The following PAX3 variants were observed in gnomAD, a reference collection of about 807,000 sequenced individuals.
PAX3 encodes paired box 3, also known as paired box protein Pax-3.
Under a neutral mutation model 51.6 loss-of-function variants are expected in PAX3, and 14 were observed. That is an observed-to-expected ratio of 0.27 (90% confidence interval 0.18 to 0.42). The LOEUF (loss-of-function observed/expected upper bound fraction) is 0.42, where lower values mean the gene tolerates loss of function less well. Among genes scored for constraint, PAX3 ranks in the 10% least tolerant of loss-of-function variants. The pLI is 1.00. For synonymous variants in PAX3, 280 were observed against 253.4 expected (o/e 1.11, Z -1.00); for missense variants, 540 against 642.8 (o/e 0.84, Z 1.73).
chr2:222,294,126 A>G, intron 4 of PAX3, 41 bp downstream of exon 4: 1 of 1,613,372 alleles, frequency 6.2e-7, no homozygotes, highest in East Asian at 2.2e-5. Flanking sequence ...ATGCCCTCCA[A>G]GTCACCCAGC....
chr2:222,279,785 T>C (rs1218971074), intron 4 of PAX3, among the ~76,000 whole-genome samples: 3 of 152,166 alleles, frequency 2.0e-5, no homozygotes, highest in Non-Finnish European at 2.9e-5. Flanking sequence ...ATTATAGTAA[T>C]TCAATAAAAT....
chr2:222,294,811 T>TTC (rs1695206220), intron 3 of PAX3, among the ~76,000 whole-genome samples: 4 of 130,050 alleles, frequency 3.1e-5, no homozygotes, highest in Non-Finnish European at 6.4e-5. Context: ...TTCTTCCCTT[T>TTC]TTTTTTTTTT....
intron 5 of PAX3, among the ~76,000 whole-genome samples, chr2:222,230,955 T>C (rs980500692): frequency 6.6e-6 from 1 of 152,194 alleles, no homozygotes; most frequent in African/African-American, 2.4e-5. Context: ...TTTTAAATTA[T>C]TTGTATGTTT....
intron 4 of PAX3, among the ~76,000 whole-genome samples, chr2:222,239,822 CAAA>C (rs76222306): frequency 3.9e-4 from 52 of 133,834 alleles, no homozygotes; most frequent in African/African-American, 1.3e-3. Flanking sequence ...TTAGCAAGTG[CAAA>C]AAAAAAAAAA....
At chr2:222,226,870 A>T (rs1490091165) in intron 5 of PAX3, among the ~76,000 whole-genome samples, 2 of 151,786 alleles carry the variant, frequency 1.3e-5, no homozygotes, top group Non-Finnish European at 2.9e-5. Context: ...GGAGAAAGGT[A>T]TTTGAGCACA....
At chr2:222,283,963 T>C (rs1413309964) in intron 4 of PAX3, among the ~76,000 whole-genome samples, 1 of 152,232 alleles carries the variant, frequency 6.6e-6, no homozygotes, top group Non-Finnish European at 1.5e-5. Flanking sequence ...ATTTTCTTTT[T>C]CACTCTCACA....
chr2:222,265,705 T>C, intron 4 of PAX3, among the ~76,000 whole-genome samples: 1 of 78,480 alleles, frequency 1.3e-5, no homozygotes, highest in Non-Finnish European at 2.8e-5. Context: ...AAAGATTGAT[T>C]TTGATTTTTC....
At position 222,244,772 on chromosome 2, in the gene PAX3, A is replaced by C. The variant is rs200829192; in HGVS notation, c.587-12489T>G. On this transcript the variant is annotated intron_variant, in intron 4 of 8. Transcript: ENST00000392070. ...AAAAAAAGATATTCAGCTCTTGCTCATTCCCAATTCCCTTAAAAATCCAAA... is the reference window on the plus strand; with the variant it reads ...AAAAAAAGATATTCAGCTCTTGCTCCTTCCCAATTCCCTTAAAAATCCAAA... 2.0e-5 allele frequency among the ~76,000 whole-genome samples: 3 copies of C among 151,432 alleles called. No individual in the cohort carries two copies. The East Asian group carries it at 5.8e-4, about 29-fold the overall frequency.
chr2:222,210,200 C>G (rs995777140), intron 7 of PAX3, among the ~76,000 whole-genome samples: 2 of 152,200 alleles, frequency 1.3e-5, no homozygotes, highest in African/African-American at 4.8e-5. Context: ...GAAACTAATT[C>G]TGTTCCTGCA....
intron 4 of PAX3, among the ~76,000 whole-genome samples, chr2:222,236,750 C>T (rs1454049569): frequency 3.9e-5 from 6 of 152,148 alleles, no homozygotes. Context: ...TACTACTGTA[C>T]AACTTTAATA....
At position 222,294,188 on chromosome 2, in the gene PAX3, C is replaced by T. The variant is rs776316578; in HGVS notation, c.565G>A (p.Asp189Asn). 7 of 1,614,246 alleles carry T rather than the reference C, an allele frequency of 4.3e-6. No individual in the cohort carries two copies. Among genetic ancestry groups the T allele is most frequent in the Middle Eastern group, 3.3e-4 (2 of 6,062 alleles). The change falls in exon 4 of 9, where the codon GAC becomes AAC. Residue 189 changes from aspartate (D) to asparagine (N), a missense_variant. Coordinates refer to ENST00000392070, the MANE Select transcript of PAX3 (RefSeq NM_181458.4). ...TTACCTCGCTCGCTCAGGATGCCGTCGATGCTGTGTTTGGCCTTCTTCTCG... is the reference window on the plus strand; with the variant it reads ...TTACCTCGCTCGCTCAGGATGCCGTTGATGCTGTGTTTGGCCTTCTTCTCG... Reference protein sequence around the residue: ...ESEKKAKHSIDGILSERASAP... With the variant: ...ESEKKAKHSINGILSERASAP...
intron 7 of PAX3, among the ~76,000 whole-genome samples, chr2:222,219,760 T>C (rs1692110754): frequency 1.3e-5 from 2 of 152,146 alleles, no homozygotes; most frequent in African/African-American, 4.8e-5. Flanking sequence ...TATCAATTGA[T>C]TGAAACCTTA....
chr2:222,282,376 G>A (rs928964282), intron 4 of PAX3, among the ~76,000 whole-genome samples: 2 of 152,118 alleles, frequency 1.3e-5, no homozygotes, highest in South Asian at 2.1e-4. Context: ...TTTGGTGGAA[G>A]CAAGGTTTTT....
intron 4 of PAX3, among the ~76,000 whole-genome samples, chr2:222,233,628 G>C (rs1018494874): frequency 6.6e-6 from 1 of 152,112 alleles, no homozygotes; most frequent in Non-Finnish European, 1.5e-5. Flanking sequence ...AGGGCTACAG[G>C]CAGGAAGAGC....
At chr2:222,234,051 G>T (rs1225545717) in intron 4 of PAX3, among the ~76,000 whole-genome samples, 1 of 151,998 alleles carries the variant, frequency 6.6e-6, no homozygotes, top group African/African-American at 2.4e-5. Flanking sequence ...ATTTTAAACT[G>T]CCCCAAATGG....
chr2:222,214,949 A>G (rs982390291), intron 7 of PAX3: 2 of 152,114 alleles, frequency 1.3e-5, no homozygotes, highest in Non-Finnish European at 2.9e-5. Context: ...GGTTTCACTC[A>G]TAAACCAGAA....
rs976382329 is a variant in PAX3, at chr2:222,244,109, G to C, written c.587-11826C>G. 2.0e-5 allele frequency among the ~76,000 whole-genome samples: 3 copies of C among 152,294 alleles called. No homozygotes were observed. In the East Asian group the frequency reaches 5.8e-4, roughly 29 times the overall value. On this transcript the variant is annotated intron_variant, in intron 4 of 8. Transcript: ENST00000392070. ...GTCACATCCAACCAATGGACCTAGGGGAGGAATTGGCAAACCAGTCAAAAT... is the reference window on the plus strand; with the variant it reads ...GTCACATCCAACCAATGGACCTAGGCGAGGAATTGGCAAACCAGTCAAAAT...
intron 2 of PAX3, among the ~76,000 whole-genome samples, chr2:222,296,088 T>C (rs1695279282): frequency 2.0e-5 from 3 of 152,248 alleles, no homozygotes; most frequent in Admixed American, 6.5e-5. Flanking sequence ...GGGATATTTA[T>C]GCTAAAGTGA....
At chr2:222,252,411 T>A (rs958412640) in intron 4 of PAX3, among the ~76,000 whole-genome samples, 1 of 152,180 alleles carries the variant, frequency 6.6e-6, no homozygotes, top group Non-Finnish European at 1.5e-5. Flanking sequence ...ATTTTACAGA[T>A]TGAAAAAACG....
Sources: allele counts gnomAD v4.1 joint callset (sites outside exome capture counted in the v4.1 genomes callset), GRCh38; gene constraint gnomAD v4.1.1; transcripts MANE v1.5; gene names NCBI Gene and HGNC (gene_info 2026-07-23, HGNC 2026-07-21).